Variants in BBS9 observed in about 807,000 individuals in gnomAD.
The protein encoded by BBS9 is protein PTHB1.
A neutral mutation model predicts 117.7 loss-of-function variants in BBS9; 89 were observed. That is an observed-to-expected ratio of 0.76 (90% CI 0.64 to 0.90). BBS9 has a LOEUF of 0.90. BBS9 is among the 40% of genes least tolerant of loss of function. The probability of loss-of-function intolerance (pLI) is 0.00; values close to 1 mark genes in which losing one functional copy is unlikely to be tolerated. For missense variants in BBS9, 982 were observed against 1,042.2 expected (o/e 0.94, Z 0.80); for synonymous variants, 379 against 370.9 (o/e 1.02, Z -0.25).
At chr7:33,494,002 A>G (rs1190709580) in intron 19 of BBS9, among the ~76,000 whole-genome samples, 1 of 152,226 alleles carries the variant, frequency 6.6e-6, no homozygotes, top group Non-Finnish European at 1.5e-5. Flanking sequence ...AAAAGTCTCC[A>G]GTGTTGCTGG....
chr7:33,183,755 G>A lies in BBS9; in HGVS notation c.442+6164G>A, dbSNP rs572340578. 3.9e-5 allele frequency among the ~76,000 whole-genome samples: 6 copies of A among 152,226 alleles called. No individual in the cohort carries two copies. The East Asian group carries it at 1.2e-3, about 29-fold the overall frequency. ...TGAGAACAAGAGAAAGTACTGCCAC[G>A]TACTTAAAAGGTCAAGCTCCCAAGG... On this transcript the variant is annotated intron_variant, in intron 5 of 22. Transcript: ENST00000242067.
At chr7:33,476,876 A>T (rs1841876843) in intron 19 of BBS9, among the ~76,000 whole-genome samples, 1 of 152,212 alleles carries the variant, frequency 6.6e-6, no homozygotes, top group African/African-American at 2.4e-5. Context: ...GTAGTAATTT[A>T]TATTGTAATA....
At chr7:33,279,302 A>G (rs1801373269) in intron 9 of BBS9, among the ~76,000 whole-genome samples, 1 of 152,088 alleles carries the variant, frequency 6.6e-6, no homozygotes, top group Admixed American at 6.5e-5. Context: ...TCTTGAACTT[A>G]TGGCCTCAAG....
intron 19 of BBS9, among the ~76,000 whole-genome samples, chr7:33,409,458 G>A (rs745663664): frequency 2.0e-5 from 3 of 152,114 alleles, no homozygotes; most frequent in Non-Finnish European, 4.4e-5. Flanking sequence ...AAAGATTGAT[G>A]GTTATAGGTG....
chr7:33,616,266 A>G (rs1335168549), intron 21 of BBS9, among the ~76,000 whole-genome samples: 1 of 150,986 alleles, frequency 6.6e-6, no homozygotes, highest in Non-Finnish European at 1.5e-5. Flanking sequence ...GAATACATAT[A>G]TACATACACG....
Position 33,505,613 on chromosome 7 carries a change from T to G in BBS9, c.2266T>G (p.Phe756Val). 3 of 1,613,884 alleles carry G rather than the reference T, an allele frequency of 1.9e-6. No individual in the cohort carries two copies. Among genetic ancestry groups the G allele is most frequent in the Non-Finnish European group, 2.5e-6 (3 of 1,179,960 alleles). The change falls in exon 20 of 23, where the codon TTT (phenylalanine) becomes GTT (valine). Residue 756 changes from phenylalanine (F) to valine (V), a missense_variant. Coordinates refer to ENST00000242067, the MANE Select transcript of BBS9 (RefSeq NM_198428.3). ...CCAGGTTGCTATTCTGGAAGCGGCA[T>G]TTCTGCCGCTACAAGAAGACACTCA... ...ADQVAILEAAFLPLQEDTQEL... is the reference protein window; with the variant it reads ...ADQVAILEAAVLPLQEDTQEL...
intron 12 of BBS9, chr7:33,346,142 G>T: frequency 2.7e-6 from 1 of 374,288 alleles, no homozygotes. Context: ...TCACACAGCA[G>T]ACACAATGTC....
intron 11 of BBS9, among the ~76,000 whole-genome samples, chr7:33,343,928 A>C (rs1259579854): frequency 6.6e-6 from 1 of 152,194 alleles, no homozygotes. Context: ...AAAGAATGGC[A>C]TAATATTTTT....
intron 21 of BBS9, among the ~76,000 whole-genome samples, chr7:33,583,758 T>G (rs1040976798): frequency 6.6e-6 from 1 of 152,216 alleles, no homozygotes; most frequent in Middle Eastern, 3.4e-3. Context: ...AGCCACGTTT[T>G]TGGTTGAGTT....
chr7:33,572,448 A>G (rs904880565), intron 21 of BBS9, among the ~76,000 whole-genome samples: 2 of 152,092 alleles, frequency 1.3e-5, no homozygotes, highest in Admixed American at 6.6e-5. Context: ...TTTCTTTTGG[A>G]TATATATACA....
At chr7:33,318,518 C>G (rs773906754) in intron 9 of BBS9, among the ~76,000 whole-genome samples, 1 of 151,998 alleles carries the variant, frequency 6.6e-6, no homozygotes, top group South Asian at 2.1e-4. Flanking sequence ...TTTGAGATCT[C>G]TATTTATGTA....
chr7:33,520,840 A>G (rs1277461159), intron 20 of BBS9, among the ~76,000 whole-genome samples: 1 of 152,116 alleles, frequency 6.6e-6, no homozygotes, highest in African/African-American at 2.4e-5. Flanking sequence ...ATTTATCACT[A>G]TCTTGTTAGC....
intron 20 of BBS9, among the ~76,000 whole-genome samples, chr7:33,513,009 A>C (rs10245585): frequency 0.02 from 2,987 of 152,258 alleles, 78 homozygotes; most frequent in African/African-American, 0.054. Flanking sequence ...ACCTGTGTAC[A>C]TACTTTACAT....
chr7:33,303,517 T>TCC (rs1204735274), intron 9 of BBS9, among the ~76,000 whole-genome samples: 2,409 of 65,978 alleles, frequency 0.037, 10 homozygotes, highest in Admixed American at 0.058. Flanking sequence ...ACTGAAATGA[T>TCC]CCCCTCCCCC....
intron 20 of BBS9, among the ~76,000 whole-genome samples, chr7:33,514,717 G>A (rs540466000): frequency 7.2e-4 from 109 of 152,246 alleles, no homozygotes; most frequent in African/African-American, 1.8e-3. Context: ...TAAAAATGGC[G>A]TTGCTTGTTT....
chr7:33,134,518 C>G (rs945135665), intron 1 of BBS9, among the ~76,000 whole-genome samples: 1 of 152,100 alleles, frequency 6.6e-6, no homozygotes, highest in African/African-American at 2.4e-5. Flanking sequence ...CAAATATTTT[C>G]TCCCATCATT....
At chr7:33,156,454 T>C (rs1794103748) in intron 4 of BBS9, among the ~76,000 whole-genome samples, 1 of 152,230 alleles carries the variant, frequency 6.6e-6, no homozygotes, top group Non-Finnish European at 1.5e-5. Context: ...TGGAGCTTGC[T>C]GTAAATGTTA....
intron 5 of BBS9, among the ~76,000 whole-genome samples, chr7:33,252,127 G>T (rs1283868982): frequency 6.6e-6 from 1 of 152,064 alleles, no homozygotes; most frequent in Admixed American, 6.6e-5. Context: ...AGAGAGGGAG[G>T]GGGGAGGTGC....
At chr7:33,320,884 A>G (rs887102280) in intron 9 of BBS9, among the ~76,000 whole-genome samples, 4 of 152,014 alleles carry the variant, frequency 2.6e-5, no homozygotes, top group African/African-American at 9.7e-5. Flanking sequence ...TTCAGTCTTT[A>G]ATCCATTTTG....
Sources: gnomAD v4.1 joint callset for allele counts (sites outside exome capture counted in the v4.1 genomes callset) on GRCh38, gnomAD v4.1.1 for gene constraint, MANE v1.5 for transcripts, NCBI Gene and HGNC (gene_info 2026-07-23, HGNC 2026-07-21) for gene names.